The following LGMN variants were observed in gnomAD, a reference collection of about 807,000 sequenced individuals.
LGMN encodes the protein asparaginyl endopeptidase.
In LGMN, 36 loss-of-function variants were observed where a neutral mutation model predicts 56.8. That is an observed-to-expected ratio of 0.63 (90% CI 0.49 to 0.84). The LOEUF is 0.84. LGMN is among the 40% of genes least tolerant of loss of function. The pLI, the probability that LGMN is intolerant of heterozygous loss-of-function variation, is 0.00. For missense variants in LGMN, 446 were observed against 556.1 expected, an observed-to-expected ratio of 0.80 and a Z score of 1.99; for synonymous variants, 199 against 210.1, an observed-to-expected ratio of 0.95 and a Z score of 0.46.
chr14:92,740,819 C>A (rs1004331554), intron 1 of LGMN, among the ~76,000 whole-genome samples: 1 of 152,234 alleles, frequency 6.6e-6, no homozygotes, highest in South Asian at 2.1e-4. Context: ...AATGACAAGT[C>A]CTCTGCTGTT....
intron 11 of LGMN, among the ~76,000 whole-genome samples, chr14:92,707,413 T>G (rs1441180521): frequency 6.6e-6 from 1 of 152,196 alleles, no homozygotes; most frequent in African/African-American, 2.4e-5. Context: ...CCCCAAGAGC[T>G]CTCAGGCTCC....
At chr14:92,715,953 GCCA>G (rs2140223621) in intron 5 of LGMN, 180 bp downstream of exon 5, 1 of 450,582 alleles carries the variant, frequency 2.2e-6, no homozygotes, top group African/African-American at 2.1e-5. Flanking sequence ...GCAGAAATGG[GCCA>G]CCAAGAGAAG....
At chr14:92,745,700 T>C (rs1891784734) in intron 1 of LGMN, among the ~76,000 whole-genome samples, 1 of 152,246 alleles carries the variant, frequency 6.6e-6, no homozygotes, top group African/African-American at 2.4e-5. Context: ...GCCCCTTGTA[T>C]ACAAATGTCT....
At chr14:92,735,791 TG>T (rs532750332) in intron 1 of LGMN, among the ~76,000 whole-genome samples, 187 of 152,004 alleles carry the variant, frequency 1.2e-3, no homozygotes, top group African/African-American at 4.3e-3. Context: ...CTCCCAGATT[TG>T]TTTTTTTCAG....
intron 11 of LGMN, among the ~76,000 whole-genome samples, chr14:92,708,151 C>CAA (rs5810610): frequency 4.3e-4 from 57 of 134,028 alleles, no homozygotes; most frequent in African/African-American, 1.2e-3. Context: ...AACTCCATCT[C>CAA]AAAAAAAAAA....
intron 1 of LGMN, among the ~76,000 whole-genome samples, chr14:92,748,058 T>C (rs577411606): frequency 5.9e-5 from 9 of 152,274 alleles, no homozygotes; most frequent in Admixed American, 1.3e-4. Context: ...TCGTCGTTAA[T>C]AGCCCTTTCC....
chr14:92,705,487 A>G (rs1356223577), intron 12 of LGMN, among the ~76,000 whole-genome samples: 3 of 149,644 alleles, frequency 2.0e-5, no homozygotes, highest in South Asian at 2.1e-4. Flanking sequence ...GGGCAACAAG[A>G]GCAAAACTGT....
Position 92,732,675 on chromosome 14 carries a change from T to C in LGMN, c.112A>G (p.Asn38Asp), listed in dbSNP as rs753506758. 1.9e-6 allele frequency: 3 copies of C among 1,614,078 alleles called. No homozygotes were observed. The East Asian group carries it at 6.7e-5, about 36-fold the overall frequency. The change falls in exon 2 of 14, where the codon AAT becomes GAT. Residue 38 changes from asparagine to aspartate, a missense_variant. Transcript: ENST00000334869. ...KHWVVIVAGSNGWYNYRHQAD... is the reference protein window; with the variant it reads ...KHWVVIVAGSDGWYNYRHQAD... ...TGGTGCCTATAATTATACCAGCCATTTGAACCTGCCACGATCACCACCCAG... is the reference window on the plus strand; with the variant it reads ...TGGTGCCTATAATTATACCAGCCATCTGAACCTGCCACGATCACCACCCAG...
chr14:92,746,818 T>A (rs1218101199), intron 1 of LGMN, among the ~76,000 whole-genome samples: 1 of 151,378 alleles, frequency 6.6e-6, no homozygotes, highest in Non-Finnish European at 1.5e-5. Flanking sequence ...GGGTGGATCA[T>A]GAGGTCAGCA....
At position 92,747,446 on chromosome 14, in the gene LGMN, C is replaced by T. The variant is rs151313629; in HGVS notation, c.-30+1043G>A. Among the ~76,000 whole-genome samples, 1,299 of 152,246 alleles carry T rather than the reference C, an allele frequency of 8.5e-3. 18 individuals carry two copies. Among genetic ancestry groups the T allele is most frequent in the African/African-American group, 0.03 (1,227 of 41,542 alleles). The stretch of plus-strand genomic sequence containing the variant: ...TGGAGGTTGCAGTGAGCCGAGATCG[C>T]ACCACTGCACTCCAGCCTGGGCGAC... On this transcript the variant is annotated intron_variant, in intron 1 of 13. Transcript: ENST00000334869.
chr14:92,726,725 C>T (rs3783930), intron 2 of LGMN, among the ~76,000 whole-genome samples: 23,814 of 152,120 alleles, frequency 0.16, 1,944 homozygotes, highest in East Asian at 0.32. Flanking sequence ...TTCCTCCTCC[C>T]CATCTACCTG....
At chr14:92,739,510 G>A (rs950990144) in intron 1 of LGMN, among the ~76,000 whole-genome samples, 2 of 152,168 alleles carry the variant, frequency 1.3e-5, no homozygotes, top group Admixed American at 6.5e-5. Context: ...CCTGCTAGCT[G>A]CTCACAGGCA....
At position 92,706,528 on chromosome 14, in the gene LGMN, G is replaced by A. The variant is rs1889436933; in HGVS notation, c.1146C>T (p.Ala382=). The A allele has an allele frequency of 1.3e-6, 2 of 1,588,194 alleles. No homozygotes were observed. The highest frequency in any genetic ancestry group is 1.3e-5 in the African/African-American group (1 of 74,562). The stretch of plus-strand genomic sequence containing the variant: ...AGCAGTGGGTCCGGAAGTGCAGCAG[G>A]GCCTCTGGGTAGCAGCTGTGCCCCG... ...PLTGHSCYPE[A]LLHFRTHCFN... Residue 382 remains alanine, a synonymous_variant, in exon 12 of 14, where the codon GCC becomes GCT. Coordinates refer to ENST00000334869, the MANE Select transcript of LGMN (RefSeq NM_005606.7).
In LGMN at chr14:92,716,215, T is replaced by C. The variant is rs779985081; in HGVS notation, c.325A>G (p.Thr109Ala). ...VPKDYTGEDV[T>A]PQNFLAVLRG... ...AACACAGCAAGGAAATTTTGTGGGG[T>C]AACATCCTACAAAGAATTAGGAGCC... is the stretch of plus-strand genomic sequence containing the variant. Residue 109 changes from threonine to alanine, a missense_variant, in exon 5 of 14, where the codon ACC (threonine) becomes GCC (alanine). Coordinates refer to ENST00000334869, the MANE Select transcript of LGMN (RefSeq NM_005606.7). The C allele has an allele frequency of 1.1e-5, 18 of 1,612,168 alleles. No individual in the cohort carries two copies. In the East Asian group the frequency reaches 3.8e-4, roughly 34 times the overall value.
chr14:92,709,751 A>G lies in LGMN; in HGVS notation c.941T>C (p.Ile314Thr). 1.2e-6 allele frequency: 2 copies of G among 1,614,044 alleles called. No homozygotes were observed. Among genetic ancestry groups the G allele is most frequent in the Non-Finnish European group, 1.7e-6 (2 of 1,179,990 alleles). Residue 314 changes from isoleucine to threonine, a missense_variant, in exon 11 of 14, where the codon ATC (isoleucine) becomes ACC (threonine). By Grantham distance (89) the Ile-to-Thr change is moderately conservative (BLOSUM62 -1). Coordinates refer to ENST00000334869, the MANE Select transcript of LGMN (RefSeq NM_005606.7). ...GGTGTTCATCAGTTTCCTTTTCATG[A>G]TGGTGAGAGGCACATCAGGGCTGGG... is the stretch of plus-strand genomic sequence containing the variant. ...LTPSPDVPLTIMKRKLMNTND... is the reference protein window; with the variant it reads ...LTPSPDVPLTTMKRKLMNTND...
chr14:92,724,999 C>T (rs913415603), intron 2 of LGMN, among the ~76,000 whole-genome samples: 2 of 152,102 alleles, frequency 1.3e-5, no homozygotes, highest in Non-Finnish European at 2.9e-5. Flanking sequence ...CCTCGCTGAG[C>T]CCACTGCCAA....
chr14:92,730,349 T>C lies in LGMN; in HGVS notation c.138+2300A>G, dbSNP rs549920742. The stretch of plus-strand genomic sequence containing the variant: ...ATTCGAGAAATGAGTTATTCATTCA[T>C]TCCGTGAATGTAAATACAGACTGGA... On this transcript the variant is annotated intron_variant, in intron 2 of 13. Coordinates refer to ENST00000334869, the MANE Select transcript of LGMN (RefSeq NM_005606.7). 2.6e-5 allele frequency among the ~76,000 whole-genome samples: 4 copies of C among 152,240 alleles called. No homozygotes were observed. The South Asian group carries it at 8.3e-4, about 32-fold the overall frequency.
intron 2 of LGMN, among the ~76,000 whole-genome samples, chr14:92,727,016 C>T (rs929877091): frequency 6.6e-6 from 1 of 152,180 alleles, no homozygotes; most frequent in Non-Finnish European, 1.5e-5. Context: ...CACATAGATG[C>T]CCTCTTTTTC....
At chr14:92,747,035 CAAAAAAAAAA>C (rs35615315) in intron 1 of LGMN, among the ~76,000 whole-genome samples, 1 of 78,978 alleles carries the variant, frequency 1.3e-5, no homozygotes, top group African/African-American at 4.9e-5. Context: ...GACTCCGTCT[CAAAAAAAAAA>C]AAAAAAAAAA....
Sources: allele counts gnomAD v4.1 joint callset (sites outside exome capture counted in the v4.1 genomes callset), GRCh38; gene constraint gnomAD v4.1.1; transcripts MANE v1.5; gene names NCBI Gene and HGNC (gene_info 2026-07-23, HGNC 2026-07-21).